PACRG: variants seen among roughly 807,000 people sequenced by gnomAD.
PACRG encodes the protein parkin coregulated gene protein.
Under a neutral mutation model 29.7 loss-of-function variants are expected in PACRG, and 29 were observed. That is an observed-to-expected ratio of 0.98 (90% CI 0.73 to 1.33). The LOEUF (loss-of-function observed/expected upper bound fraction) is 1.33, where lower values mean the gene tolerates loss of function less well. Ranked by LOEUF, PACRG falls within the 40% of genes most tolerant of loss-of-function variation. The pLI, the probability that PACRG is intolerant of heterozygous loss-of-function variation, is 0.00. For synonymous variants in PACRG, 116 were observed against 118.7 expected (o/e 0.98, Z 0.15); for missense variants, 279 against 316.2 (o/e 0.88, Z 0.89).
At chr6:162,947,611 C>CATATATATATATATATAATCAT (rs1799280299) in intron 2 of PACRG, among the ~76,000 whole-genome samples, 1 of 27,980 alleles carries the variant, frequency 3.6e-5, no homozygotes, top group African/African-American at 1.1e-4. Context: ...TATATATAAT[C>CATATATATATATATATAATCAT]ATATATATAT....
chr6:163,163,816 T>C (rs904482427), intron 4 of PACRG, among the ~76,000 whole-genome samples: 1 of 152,204 alleles, frequency 6.6e-6, no homozygotes, highest in Non-Finnish European at 1.5e-5. Context: ...TAATAACTTT[T>C]ATTGTAAAAT....
At chr6:163,027,527 A>T (rs2042485316) in intron 2 of PACRG, among the ~76,000 whole-genome samples, 1 of 152,160 alleles carries the variant, frequency 6.6e-6, no homozygotes, top group Admixed American at 6.5e-5. Context: ...TTCTCAATGT[A>T]CACTTTTAGC....
chr6:162,934,269 A>AAAT lies in PACRG; in HGVS notation c.291+119990_291+119991insTAA, dbSNP rs201558969. ...CACAGCGAGACTGTCTCAAAAAAAA[A>AAAT]AAATAAATAAATGAAAAAAAGAGAA... On this transcript the variant is annotated intron_variant, in intron 2 of 4. Transcript: ENST00000366888. Among the ~76,000 whole-genome samples, 1,384 of 151,790 alleles carry AAAT rather than the reference A, an allele frequency of 9.1e-3. 67 individuals are homozygous for AAAT. The East Asian group carries it at 0.15, about 16-fold the overall frequency.
At chr6:162,804,569 T>C (rs1269654683) in intron 1 of PACRG, among the ~76,000 whole-genome samples, 2 of 152,134 alleles carry the variant, frequency 1.3e-5, no homozygotes, top group Non-Finnish European at 1.5e-5. Context: ...TATGAGGGGT[T>C]TTGTTCTTAT....
At chr6:162,904,090 T>C (rs1010340707) in intron 2 of PACRG, among the ~76,000 whole-genome samples, 1 of 152,194 alleles carries the variant, frequency 6.6e-6, no homozygotes, top group Non-Finnish European at 1.5e-5. Context: ...GTTACAGCCT[T>C]GAAGCTAGAT....
chr6:163,195,668 A>T (rs575128882), intron 4 of PACRG, among the ~76,000 whole-genome samples: 17 of 152,160 alleles, frequency 1.1e-4, no homozygotes, highest in Non-Finnish European at 1.9e-4. Flanking sequence ...AGGAGGTGGC[A>T]GTGGAGGCCG....
intron 2 of PACRG, among the ~76,000 whole-genome samples, chr6:163,052,997 A>G (rs779709313): frequency 6.6e-6 from 1 of 152,222 alleles, no homozygotes; most frequent in Admixed American, 6.5e-5. Flanking sequence ...GTATTCACAT[A>G]TAATTTTAAC....
chr6:162,830,833 ATCCCT>A (rs1310861020), intron 2 of PACRG, among the ~76,000 whole-genome samples: 1 of 152,220 alleles, frequency 6.6e-6, no homozygotes, highest in Admixed American at 6.5e-5. Context: ...ATCCTGAGAC[ATCCCT>A]TCTAGCTGCT....
intron 3 of PACRG, among the ~76,000 whole-genome samples, chr6:163,063,643 CTG>C (rs1424453236): frequency 6.6e-6 from 1 of 152,184 alleles, no homozygotes; most frequent in Admixed American, 6.5e-5. Context: ...CAAATCAACT[CTG>C]AAACTCTCCC....
chr6:162,938,096 A>G (rs182196093), intron 2 of PACRG, among the ~76,000 whole-genome samples: 2 of 152,182 alleles, frequency 1.3e-5, no homozygotes, highest in Admixed American at 1.3e-4. Flanking sequence ...TGTCATTCTT[A>G]TGCATTTGCA....
At chr6:162,819,366 G>A (rs1482269535) in intron 2 of PACRG, among the ~76,000 whole-genome samples, 1 of 151,996 alleles carries the variant, frequency 6.6e-6, no homozygotes, top group Non-Finnish European at 1.5e-5. Flanking sequence ...TTATTAATCA[G>A]GTAACTATAC....
intron 1 of PACRG, among the ~76,000 whole-genome samples, chr6:162,763,999 G>A (rs1325096312): frequency 2.0e-5 from 3 of 152,162 alleles, no homozygotes; most frequent in African/African-American, 2.4e-5. Context: ...CTCCAGGCCC[G>A]GCATGGTGGC....
intron 1 of PACRG, among the ~76,000 whole-genome samples, chr6:162,740,934 GT>G: frequency 6.6e-6 from 1 of 152,138 alleles, no homozygotes; most frequent in East Asian, 1.9e-4. Flanking sequence ...TGCTAAGGGT[GT>G]TTTTCTTAAT....
intron 2 of PACRG, among the ~76,000 whole-genome samples, chr6:162,943,620 C>T (rs1176563395): frequency 6.6e-6 from 1 of 152,124 alleles, no homozygotes; most frequent in Non-Finnish European, 1.5e-5. Flanking sequence ...CCTGCAGGCA[C>T]CACTTGGGGA....
rs541341435 is a variant in PACRG, at chr6:162,827,240, C to T, written c.291+12959C>T. On this transcript the variant is annotated intron_variant, in intron 2 of 4. Transcript: ENST00000366888. ...GATTTTTATAATTCTATTTGGGAAT[C>T]TCTAGCTTTTTCTGTTGGTGTGGGC... is the stretch of plus-strand genomic sequence containing the variant. Among the ~76,000 whole-genome samples the T allele has an allele frequency of 3.9e-5, 6 of 152,234 alleles. No homozygotes were observed. In the South Asian group the frequency reaches 1.2e-3, roughly 32 times the overall value.
rs147379993 is a variant in PACRG at position 163,110,900 on chromosome 6, G to A, written c.613+21492G>A. 1.9e-3 allele frequency among the ~76,000 whole-genome samples: 292 copies of A among 152,304 alleles called. 2 individuals carry two copies. The highest frequency in any genetic ancestry group is 5.7e-3 in the African/African-American group (238 of 41,564). ...TGACCACAGGCCAGTCATTCAGTCC[G>A]TCTGTGTGTTTCTTCATCTAGCAAG... On this transcript the variant is annotated intron_variant, in intron 4 of 4. Coordinates refer to ENST00000366888, the MANE Select transcript of PACRG (RefSeq NM_001080379.2).
intron 2 of PACRG, among the ~76,000 whole-genome samples, chr6:162,993,279 C>T (rs979197102): frequency 4.1e-5 from 6 of 147,094 alleles, no homozygotes; most frequent in Non-Finnish European, 7.5e-5. Flanking sequence ...GAGCTGAGTT[C>T]AATTCCTGGG....
intron 4 of PACRG, among the ~76,000 whole-genome samples, chr6:163,130,237 G>A (rs145190314): frequency 6.6e-6 from 1 of 152,262 alleles, no homozygotes; most frequent in South Asian, 2.1e-4. Flanking sequence ...AGCACCTTTG[G>A]GGGTGGAGGA....
At chr6:162,789,723 TC>T (rs769272984) in intron 1 of PACRG, among the ~76,000 whole-genome samples, 6 of 152,166 alleles carry the variant, frequency 3.9e-5, no homozygotes, top group Non-Finnish European at 4.4e-5. Flanking sequence ...TTTTCATAAG[TC>T]TTTTGGTCTT....
Sources: gnomAD v4.1 joint callset for allele counts (sites outside exome capture counted in the v4.1 genomes callset) on GRCh38, gnomAD v4.1.1 for gene constraint, MANE v1.5 for transcripts, NCBI Gene and HGNC (gene_info 2026-07-23, HGNC 2026-07-21) for gene names.